The following MTOR variants were observed in gnomAD, a reference collection of about 807,000 sequenced individuals.
MTOR encodes the protein serine/threonine-protein kinase mTOR.
In MTOR, 70 loss-of-function variants were observed where a neutral mutation model predicts 319.8. The ratio of observed to expected loss-of-function variants is 0.22; its 90% CI spans 0.18 to 0.27. MTOR has a LOEUF of 0.27. Among genes scored for constraint, MTOR ranks in the 10% least tolerant of loss-of-function variants. The pLI is 1.00. For synonymous variants in MTOR, 1,183 were observed against 1,211.4 expected (o/e 0.98, Z 0.49); for missense variants, 1,890 against 3,274.4 (o/e 0.58, Z 10.32).
chr1:11,235,088 T>A (rs1279697484), intron 13 of MTOR, among the ~76,000 whole-genome samples: 1 of 152,076 alleles, frequency 6.6e-6, no homozygotes. Flanking sequence ...TGGCAGCCTG[T>A]TTTCCCCAGT....
At chr1:11,124,414 A>C in intron 47 of MTOR, 84 bp downstream of exon 47, 1 of 1,522,420 alleles carries the variant, frequency 6.6e-7, no homozygotes, top group Non-Finnish European at 9.0e-7. Flanking sequence ...TTTTGTTAAG[A>C]TATAATACAT....
At chr1:11,182,927 T>C (rs538885177) in intron 28 of MTOR, among the ~76,000 whole-genome samples, 2 of 152,338 alleles carry the variant, frequency 1.3e-5, no homozygotes, top group East Asian at 3.9e-4. Flanking sequence ...ACGCGGACAC[T>C]CTTGTCCATG....
chr1:11,251,118 C>T (rs1022571582), intron 6 of MTOR, among the ~76,000 whole-genome samples: 1 of 151,844 alleles, frequency 6.6e-6, no homozygotes, highest in Non-Finnish European at 1.5e-5. Context: ...TCAAAGCCCA[C>T]TTATAGCTTC....
At chr1:11,219,724 T>TA (rs1477166082) in intron 19 of MTOR, among the ~76,000 whole-genome samples, 1 of 151,956 alleles carries the variant, frequency 6.6e-6, no homozygotes, top group African/African-American at 2.4e-5. Flanking sequence ...TAAAATGCCT[T>TA]AAAAAAAGTG....
intron 15 of MTOR, chr1:11,232,887 AT>A: frequency 1.8e-6 from 1 of 558,208 alleles, no homozygotes; most frequent in East Asian, 3.0e-5. Context: ...AATAAATAAA[AT>A]AAAAAATTTT....
chr1:11,167,174 A>G (rs1644671466), intron 29 of MTOR, among the ~76,000 whole-genome samples: 1 of 152,100 alleles, frequency 6.6e-6, no homozygotes, highest in Non-Finnish European at 1.5e-5. Flanking sequence ...CAGCACACCA[A>G]CATGGCACAT....
intron 28 of MTOR, among the ~76,000 whole-genome samples, chr1:11,177,827 G>A (rs1645035643): frequency 6.6e-6 from 1 of 152,134 alleles, no homozygotes; most frequent in Admixed American, 6.5e-5. Flanking sequence ...CAAGATTGGT[G>A]AGTGGAAGTA....
Position 11,199,074 on chromosome 1 carries a change from T to C in MTOR, c.4253+184A>G, listed in dbSNP as rs1471819462. On this transcript the variant is annotated intron_variant, in intron 28 of 57. Transcript: ENST00000361445. The surrounding 1 kb of genome is among the most constrained non-coding windows in gnomAD (Gnocchi z 4.5). ...TGATAAGGGTCAACAGAAATGACAA[T>C]CATGGCTAGATTCCTGGGGAGAGCC... Among the ~76,000 whole-genome samples the C allele has an allele frequency of 6.6e-6, 1 of 152,136 alleles. No homozygotes were observed. Among genetic ancestry groups the C allele is most frequent in the Non-Finnish European group, 1.5e-5 (1 of 68,032 alleles).
intron 9 of MTOR, among the ~76,000 whole-genome samples, chr1:11,242,524 A>AAAAAAAAAAT (rs1454821450): frequency 6.6e-6 from 1 of 151,504 alleles, no homozygotes; most frequent in African/African-American, 2.4e-5. Context: ...AAAAAAAAAA[A>AAAAAAAAAAT]AGAATGAGTG....
chr1:11,180,425 C>G (rs1441109189), intron 28 of MTOR, among the ~76,000 whole-genome samples: 1 of 152,202 alleles, frequency 6.6e-6, no homozygotes, highest in Non-Finnish European at 1.5e-5. Flanking sequence ...CATTTAGCCC[C>G]TTGCCTGCAG....
At chr1:11,229,903 G>A (rs1646962543) in intron 18 of MTOR, among the ~76,000 whole-genome samples, 1 of 152,124 alleles carries the variant, frequency 6.6e-6, no homozygotes, top group South Asian at 2.1e-4. Flanking sequence ...CTTGAGCCCA[G>A]GAGGTCGAGG....
At chr1:11,245,631 G>A (rs1389401216) in intron 8 of MTOR, among the ~76,000 whole-genome samples, 4 of 152,206 alleles carry the variant, frequency 2.6e-5, no homozygotes, top group African/African-American at 9.6e-5. Flanking sequence ...AGGCGCCACA[G>A]CTCATGTCTG....
chr1:11,229,049 A>G, intron 18 of MTOR, 131 bp from the exon 19 acceptor site: 1 of 1,197,276 alleles, frequency 8.4e-7, no homozygotes. Context: ...ATGTTCTAAC[A>G]CTGTTGGGAG....
rs1435529818 is a variant in MTOR at position 11,107,296 on chromosome 1, C to T, written c.*189G>A. 2 of 1,467,148 alleles carry T rather than the reference C, an allele frequency of 1.4e-6. No individual in the cohort carries two copies. The highest frequency in any genetic ancestry group is 2.8e-5 in the African/African-American group (2 of 70,192). 90.9% of individuals were successfully genotyped at this position (1,467,148 alleles called of 1,614,324 possible). A position where few individuals can be genotyped will look rare whatever the true frequency, so the allele number is the denominator to read the frequency against. On this transcript the variant is annotated 3_prime_UTR_variant, in exon 58 of 58. Transcript: ENST00000361445. ...ACCAAATCAAGCCTTGTGTTTCTGA[C>T]AATATATTCTTCAACAGCAGCTAGA...
At chr1:11,240,727 A>G (rs1647894286) in intron 10 of MTOR, among the ~76,000 whole-genome samples, 180 bp from the exon 11 acceptor site, 1 of 152,184 alleles carries the variant, frequency 6.6e-6, no homozygotes, top group Non-Finnish European at 1.5e-5. Context: ...GTCTCCAAAC[A>G]ATCTATGAGT....
In MTOR at chr1:11,237,980, C is replaced by G; in HGVS notation, c.2071G>C (p.Glu691Gln). Residue 691 changes from glutamate (E) to glutamine (Q), a missense_variant, in exon 13 of 58, where the codon GAG becomes CAG. Glu to Gln is a conservative substitution (Grantham distance 29, BLOSUM62 2). Around this residue, in one of 15 missense-constraint regions of MTOR, gnomAD observed 377 missense variants for 653.9 expected, o/e 0.58. Transcript: ENST00000361445. ...ERFDAHLAQA[E>Q]NLQALFVALN... ...GCCACAAACAAGGCCTGCAAGTTCT[C>G]CGCCTGGGCCAGGTGTGCATCAAAG... 6.2e-7 allele frequency: 1 copy of G among 1,614,204 alleles called. No homozygotes were observed. The highest frequency in any genetic ancestry group is 8.5e-7 in the Non-Finnish European group (1 of 1,180,038).
At chr1:11,220,829 G>A (rs550863169) in intron 19 of MTOR, among the ~76,000 whole-genome samples, 2 of 152,204 alleles carry the variant, frequency 1.3e-5, no homozygotes, top group East Asian at 3.9e-4. Flanking sequence ...TCTGTGTTAA[G>A]CCACTAAATT....
At chr1:11,162,286 A>C (rs1644501275) in intron 29 of MTOR, among the ~76,000 whole-genome samples, 1 of 152,248 alleles carries the variant, frequency 6.6e-6, no homozygotes, top group African/African-American at 2.4e-5. Flanking sequence ...CTATGTGAAA[A>C]GACCAAATCT....
At chr1:11,232,650 A>C (rs891481361) in intron 15 of MTOR, 122 bp from the exon 16 acceptor site, 51 of 698,858 alleles carry the variant, frequency 7.3e-5, no homozygotes, top group Middle Eastern at 8.4e-4. Flanking sequence ...TGAGGAGGGC[A>C]GATCACCTGG....
Sources: allele counts gnomAD v4.1 joint callset (sites outside exome capture counted in the v4.1 genomes callset), GRCh38; gene constraint gnomAD v4.1.1; regional missense constraint gnomAD v4.1.1; non-coding constraint Gnocchi (gnomAD v3.1); transcripts MANE v1.5; gene names NCBI Gene and HGNC (gene_info 2026-07-23, HGNC 2026-07-21).